GOSR2: variants seen among roughly 807,000 people sequenced by gnomAD.
The protein encoded by GOSR2 is golgi SNAP receptor complex member 2, also known as 27 kDa Golgi SNARE protein.
GOSR2 carries 20 observed loss-of-function variants against 27.9 expected under a neutral mutation model. The observed-to-expected ratio is 0.72, with a 90% CI of 0.50 to 1.04. The LOEUF is 1.04. Ranked by LOEUF, GOSR2 falls within the 50% of genes least tolerant of loss-of-function variation. The pLI is 0.00. For synonymous variants in GOSR2, 91 were observed against 98.8 expected, an observed-to-expected ratio of 0.92 and a Z score of 0.47; for missense variants, 261 against 270.5, an observed-to-expected ratio of 0.97 and a Z score of 0.25.
At position 46,939,729 on chromosome 17, in the gene GOSR2, A is replaced by G; in HGVS notation, c.*969A>G. The G allele has an allele frequency of 1.0e-6, 1 of 986,728 alleles. No individual in the cohort carries two copies. 61.1% of individuals were successfully genotyped at this position (986,728 alleles called of 1,614,324 possible). ...CAGATCCCACCGTGGAGACATCTGTAGTGTGTATGTCCTTGTAACACTCTG... is the reference window on the plus strand; with the variant it reads ...CAGATCCCACCGTGGAGACATCTGTGGTGTGTATGTCCTTGTAACACTCTG... On this transcript the variant is annotated 3_prime_UTR_variant, in exon 6 of 6. Coordinates refer to ENST00000640051, the MANE Select transcript of GOSR2 (RefSeq NM_004287.5).
intron 6 of GOSR2, chr17:46,949,087 C>G (rs1339343569): frequency 1.3e-5 from 2 of 152,338 alleles, no homozygotes; most frequent in East Asian, 3.9e-4. Context: ...GTTGCTACAC[C>G]TCACAGCCTC....
chr17:46,972,465 G>T (rs1283677549), intron 6 of GOSR2, among the ~76,000 whole-genome samples: 1 of 152,232 alleles, frequency 6.6e-6, no homozygotes, highest in Non-Finnish European at 1.5e-5. Context: ...GGCACCCCGA[G>T]CCCTTGCTGA....
intron 6 of GOSR2, among the ~76,000 whole-genome samples, chr17:46,950,776 G>C (rs909418520): frequency 6.6e-6 from 1 of 152,158 alleles, no homozygotes; most frequent in African/African-American, 2.4e-5. Flanking sequence ...CTGAGACATG[G>C]GGCTGATGAG....
Position 46,940,264 on chromosome 17 carries a change from G to C in GOSR2, c.*1504G>C. The C allele has an allele frequency of 1.4e-6, 2 of 1,426,538 alleles. No homozygotes were observed. Among genetic ancestry groups the C allele is most frequent in the Non-Finnish European group, 1.8e-6 (2 of 1,094,672 alleles). The allele number at this position is 1,426,538 out of a possible 1,614,324, so 88.4% of individuals were successfully genotyped here. A position where few individuals can be genotyped will look rare whatever the true frequency, so the allele number is the denominator to read the frequency against. ...TAATTTCACACTTTCGGTTGGAGGA[G>C]ATCTCCATTGTTCCTACCCCTCCGG... On this transcript the variant is annotated 3_prime_UTR_variant, in exon 6 of 6. Transcript: ENST00000640051.
chr17:46,964,095 G>A (rs2147318402), intron 6 of GOSR2: 1 of 152,360 alleles, frequency 6.6e-6, no homozygotes, highest in East Asian at 1.9e-4. Flanking sequence ...TGACAAGTGT[G>A]GCTGAGTTGG....
Position 46,938,992 on chromosome 17 carries a change from C to T in GOSR2, c.*232C>T, listed in dbSNP as rs367735669. 1.3e-3 allele frequency: 1,746 copies of T among 1,382,106 alleles called. 5 individuals carry two copies. Among genetic ancestry groups the T allele is most frequent in the Middle Eastern group, 2.8e-3 (10 of 3,622 alleles). 85.6% of individuals were successfully genotyped at this position (1,382,106 alleles called of 1,614,324 possible). A position where few individuals can be genotyped will look rare whatever the true frequency, so the allele number is the denominator to read the frequency against. On this transcript the variant is annotated 3_prime_UTR_variant, in exon 6 of 6. Coordinates refer to ENST00000640051, the MANE Select transcript of GOSR2 (RefSeq NM_004287.5). ...GGTGCTTAGGAAATGAAAGAAGTCC[C>T]GGGTCTGTCTCTCTCACTCTCGCTC...
chr17:46,949,110 C>T (rs1028716304), intron 6 of GOSR2: 5 of 152,240 alleles, frequency 3.3e-5, no homozygotes, highest in African/African-American at 1.2e-4. Flanking sequence ...AGCATAAGAA[C>T]TGGGGACCAG....
Position 46,941,556 on chromosome 17 carries a change from T to A in GOSR2, c.*2796T>A, listed in dbSNP as rs963178207. The A allele has an allele frequency of 7.1e-5, 20 of 280,644 alleles. No homozygotes were observed. Among genetic ancestry groups the A allele is most frequent in the African/African-American group, 4.3e-4 (19 of 43,950 alleles). 17.4% of individuals were successfully genotyped at this position (280,644 alleles called of 1,614,324 possible). A position where few individuals can be genotyped will look rare whatever the true frequency, so the allele number is the denominator to read the frequency against. On this transcript the variant is annotated 3_prime_UTR_variant, in exon 6 of 6. Transcript: ENST00000640051. ...CCCAGATCTGAATTAGAACCTTTTT[T>A]AAATCTCTAAGGTGATTTTATTTTA...
intron 6 of GOSR2, among the ~76,000 whole-genome samples, chr17:46,962,630 A>T (rs758852648): frequency 2.0e-5 from 3 of 152,220 alleles, no homozygotes; most frequent in Non-Finnish European, 4.4e-5. Flanking sequence ...CCATGAGTTG[A>T]TAAGGAGAGG....
At chr17:46,968,010 G>A (rs1346542510), downstream of GOSR2, among the ~76,000 whole-genome samples, 7 of 152,132 alleles carry the variant, frequency 4.6e-5, no homozygotes, top group Non-Finnish European at 8.8e-5. Flanking sequence ...GATGACAGTG[G>A]TGATGCTCTT....
intron 6 of GOSR2, chr17:46,955,811 T>C: frequency 6.6e-6 from 1 of 152,264 alleles, no homozygotes; most frequent in South Asian, 2.1e-4. Flanking sequence ...AGCATAGTTG[T>C]GTGTGTGTCT....
rs1426588614 is a variant in GOSR2 at position 46,939,937 on chromosome 17, C to G, written c.*1177C>G. ...TATGTTCTCATTTACCACAGGCCTA[C>G]CAGCCCTGGGCACAGCAGCTTCATG... On this transcript the variant is annotated 3_prime_UTR_variant, in exon 6 of 6. Transcript: ENST00000640051. 7 of 1,002,092 alleles carry G rather than the reference C, an allele frequency of 7.0e-6. No individual in the cohort carries two copies. Among genetic ancestry groups the G allele is most frequent in the Non-Finnish European group, 7.2e-6 (6 of 838,400 alleles). 62.1% of individuals were successfully genotyped at this position (1,002,092 alleles called of 1,614,324 possible).
chr17:46,962,036 A>G (rs1011016677), intron 6 of GOSR2, among the ~76,000 whole-genome samples: 1 of 152,208 alleles, frequency 6.6e-6, no homozygotes, highest in African/African-American at 2.4e-5. Context: ...TGGAATTCCA[A>G]AAATAAAAAT....
chr17:46,940,952 T>A lies in GOSR2; in HGVS notation c.*2192T>A, dbSNP rs545130658. The A allele has an allele frequency of 6.4e-6, 8 of 1,245,288 alleles. No homozygotes were observed. Among genetic ancestry groups the A allele is most frequent in the Non-Finnish European group, 6.1e-6 (6 of 979,772 alleles). The allele number at this position is 1,245,288 out of a possible 1,614,324, so 77.1% of individuals were successfully genotyped here. Reference sequence around the variant, plus strand: ...AGACCTTGGCCTAACAGTGTGACTCTCTCCACCGCCTCAGTGTAGGGAAGG... The same window carrying A: ...AGACCTTGGCCTAACAGTGTGACTCACTCCACCGCCTCAGTGTAGGGAAGG... On this transcript the variant is annotated 3_prime_UTR_variant, in exon 6 of 6. Transcript: ENST00000640051.
intron 6 of GOSR2, chr17:46,955,644 G>T (rs971286421): frequency 5.3e-5 from 8 of 152,352 alleles, no homozygotes; most frequent in Middle Eastern, 3.4e-3. Context: ...GCATGGCTTG[G>T]AATCCTGTCT....
chr17:46,956,814 T>A (rs1183331131), intron 6 of GOSR2, among the ~76,000 whole-genome samples: 1 of 152,126 alleles, frequency 6.6e-6, no homozygotes, highest in Non-Finnish European at 1.5e-5. Flanking sequence ...TGCCCTGCCT[T>A]TGAGTCCCCT....
At chr17:46,970,694 G>A (rs2091383301), downstream of GOSR2, among the ~76,000 whole-genome samples, 1 of 152,186 alleles carries the variant, frequency 6.6e-6, no homozygotes, top group Non-Finnish European at 1.5e-5. Context: ...GTGGACGGGG[G>A]CTCAGAGACC....
intron 6 of GOSR2, among the ~76,000 whole-genome samples, chr17:46,950,706 TGA>T (rs976068361): frequency 4.6e-5 from 7 of 151,990 alleles, no homozygotes; most frequent in African/African-American, 1.7e-4. Flanking sequence ...CTCAGTGGCT[TGA>T]GAGGGCAGGG....
rs1225920970 is a variant in GOSR2, at chr17:46,940,779, A to C, written c.*2019A>C. ...CAGAGCCAGTCCTCTAGTTTGGAAT[A>C]AAAATTGCAGAGGTGGTTTTTGGGT... On this transcript the variant is annotated 3_prime_UTR_variant, in exon 6 of 6. Transcript: ENST00000640051. The C allele has an allele frequency of 9.9e-6, 15 of 1,515,806 alleles. No homozygotes were observed. Among genetic ancestry groups the C allele is most frequent in the Non-Finnish European group, 1.2e-5 (14 of 1,133,524 alleles). The allele number at this position is 1,515,806 out of a possible 1,614,324, so 93.9% of individuals were successfully genotyped here.
Sources: allele counts gnomAD v4.1 joint callset (sites outside exome capture counted in the v4.1 genomes callset), GRCh38; gene constraint gnomAD v4.1.1; transcripts MANE v1.5; gene names NCBI Gene and HGNC (gene_info 2026-07-23, HGNC 2026-07-21).